Variants in COL25A1 observed in about 807,000 individuals in gnomAD.
COL25A1 encodes collagen alpha-1(XXV) chain.
COL25A1 carries 103 observed loss-of-function variants against 128.4 expected under a neutral mutation model. That is an observed-to-expected ratio of 0.80 (90% CI 0.68 to 0.94). The LOEUF (loss-of-function observed/expected upper bound fraction) is 0.94. COL25A1 is among the 40% of genes least tolerant of loss of function. The pLI, the probability that COL25A1 is intolerant of heterozygous loss-of-function variation, is 0.00. For missense variants in COL25A1, 745 were observed against 840.0 expected, an observed-to-expected ratio of 0.89 and a Z score of 1.40; for synonymous variants, 279 against 277.2, an observed-to-expected ratio of 1.01 and a Z score of -0.06.
Position 108,841,740 on chromosome 4 carries a change from G to A in COL25A1, c.1630-19C>T. ...GAGGTCCCTGAAAATGGAAAACAGA[G>A]CTTTTAATTAAGAATTGATTCCCTG... On this transcript the variant is annotated intron_variant, in intron 30 of 37. Transcript: ENST00000399132. The A allele has an allele frequency of 1.9e-6, 3 of 1,599,424 alleles. No individual in the cohort carries two copies. Among genetic ancestry groups the A allele is most frequent in the Non-Finnish European group, 2.6e-6 (3 of 1,166,968 alleles).
Position 109,014,502 on chromosome 4 carries a change from C to T in COL25A1, c.421-4127G>A, listed in dbSNP as rs547276319. 2.3e-4 allele frequency among the ~76,000 whole-genome samples: 35 copies of T among 152,284 alleles called. No individual in the cohort carries two copies. In the South Asian group the frequency reaches 7.3e-3, roughly 32 times the overall value. On this transcript the variant is annotated intron_variant, in intron 5 of 37. Coordinates refer to ENST00000399132, the MANE Select transcript of COL25A1 (RefSeq NM_198721.4). ...TCTACAAGTGACAGACTTTTCCTGT[C>T]CATCTTTAATACGTCGCATTCCTGC...
chr4:108,975,725 C>T (rs776474302), intron 6 of COL25A1, among the ~76,000 whole-genome samples: 4 of 152,100 alleles, frequency 2.6e-5, no homozygotes, highest in Admixed American at 6.5e-5. Flanking sequence ...AGTAATTTCA[C>T]ATCATGTTTT....
chr4:109,024,425 A>G (rs1758057613), intron 5 of COL25A1, among the ~76,000 whole-genome samples: 1 of 152,046 alleles, frequency 6.6e-6, no homozygotes, highest in East Asian at 1.9e-4. Flanking sequence ...TTTCTAGGAC[A>G]TAATTTTTGT....
At chr4:108,830,604 A>G (rs1410542289) in intron 32 of COL25A1, among the ~76,000 whole-genome samples, 2 of 152,244 alleles carry the variant, frequency 1.3e-5, no homozygotes, top group African/African-American at 2.4e-5. Flanking sequence ...CATGCTGAGT[A>G]AATACAAGAG....
chr4:109,137,847 A>G (rs1307011712), intron 3 of COL25A1, among the ~76,000 whole-genome samples: 2 of 152,194 alleles, frequency 1.3e-5, no homozygotes, highest in African/African-American at 4.8e-5. Flanking sequence ...CAATGAGTAA[A>G]GTATCCTACA....
At chr4:108,910,236 G>A (rs1018871743) in intron 13 of COL25A1, among the ~76,000 whole-genome samples, 2 of 152,148 alleles carry the variant, frequency 1.3e-5, no homozygotes, top group African/African-American at 4.8e-5. Context: ...CTCTTGGAAA[G>A]AGAATGTGTT....
chr4:109,084,015 G>A (rs7673981), intron 3 of COL25A1, among the ~76,000 whole-genome samples: 35,131 of 151,948 alleles, frequency 0.23, 5,234 homozygotes, highest in African/African-American at 0.4. Context: ...TTAAGAAAAA[G>A]GAATAATCCA....
rs917592183 is a variant in COL25A1, at chr4:109,228,249, A to G, written c.367+72334T>C. ...GACACACCTAAAATAATGCTCTACC[A>G]GGTTTCTAGGTACTCCTTAATTCAG... On this transcript the variant is annotated intron_variant, in intron 3 of 37. Transcript: ENST00000399132. Among the ~76,000 whole-genome samples the G allele has an allele frequency of 5.3e-5, 8 of 152,258 alleles. No homozygotes were observed. In the South Asian group the frequency reaches 1.5e-3, roughly 28 times the overall value.
chr4:109,233,740 GCAT>G (rs1318028232), intron 3 of COL25A1, among the ~76,000 whole-genome samples: 2 of 152,086 alleles, frequency 1.3e-5, no homozygotes, highest in Non-Finnish European at 2.9e-5. Context: ...ACTATATAGT[GCAT>G]GAAGCCCCAT....
rs150272571 is a variant in COL25A1, at chr4:109,162,316, AGTT to A, written c.368-112140_368-112138del. 2.3e-3 allele frequency among the ~76,000 whole-genome samples: 347 copies of A among 152,318 alleles called. 4 individuals are homozygous for A. The highest frequency in any genetic ancestry group is 3.9e-3 in the Non-Finnish European group (267 of 68,028). On this transcript the variant is annotated intron_variant, in intron 3 of 37. Transcript: ENST00000399132. ...AAATCAAAGTCAGAGAACTGCAAGT[AGTT>A]GTAAGTGACTGGAGCAGGCAGATCA...
rs143761082 is a variant in COL25A1 at position 109,154,979 on chromosome 4, C to T, written c.368-104800G>A. Among the ~76,000 whole-genome samples, 391 of 152,272 alleles carry T rather than the reference C, an allele frequency of 2.6e-3. 2 individuals carry two copies. The highest frequency in any genetic ancestry group is 0.014 in the Middle Eastern group (4 of 294). ...ATATTACACCCTCCCTAGCTTCCCTCCTTCCCATTTTCCCCTCCCATATAT... is the reference window on the plus strand; with the variant it reads ...ATATTACACCCTCCCTAGCTTCCCTTCTTCCCATTTTCCCCTCCCATATAT... On this transcript the variant is annotated intron_variant, in intron 3 of 37. Transcript: ENST00000399132.
At chr4:109,220,443 G>C (rs1207698308) in intron 3 of COL25A1, among the ~76,000 whole-genome samples, 1 of 152,050 alleles carries the variant, frequency 6.6e-6, no homozygotes, top group Non-Finnish European at 1.5e-5. Context: ...CTATCCAAAA[G>C]GTTTTACACC....
chr4:109,226,242 G>T (rs930829899), intron 3 of COL25A1, among the ~76,000 whole-genome samples: 1 of 152,010 alleles, frequency 6.6e-6, no homozygotes, highest in Non-Finnish European at 1.5e-5. Flanking sequence ...GAGGTAGGAG[G>T]GGGGTGAGAC....
intron 5 of COL25A1, among the ~76,000 whole-genome samples, chr4:109,014,136 G>C (rs983327540): frequency 6.6e-6 from 1 of 152,032 alleles, no homozygotes; most frequent in Non-Finnish European, 1.5e-5. Context: ...GTGAAACCCC[G>C]TCTCTACTAA....
At chr4:108,896,596 C>T in intron 16 of COL25A1, 71 bp downstream of exon 16, 10 of 1,304,906 alleles carry the variant, frequency 7.7e-6, no homozygotes, top group East Asian at 2.3e-5. Context: ...TCTAAAAATC[C>T]CCCATCTTCA....
At chr4:108,859,122 CTA>C (rs1015358950) in intron 24 of COL25A1, among the ~76,000 whole-genome samples, 10 of 152,160 alleles carry the variant, frequency 6.6e-5, no homozygotes, top group African/African-American at 1.9e-4. Flanking sequence ...AGAGGGCTTA[CTA>C]TGTACCAGGA....
intron 14 of COL25A1, among the ~76,000 whole-genome samples, chr4:108,899,533 A>T (rs1204242354): frequency 6.6e-6 from 1 of 152,066 alleles, no homozygotes; most frequent in Non-Finnish European, 1.5e-5. Flanking sequence ...TTCTGCTTAA[A>T]CTCAGAGTTA....
chr4:109,259,219 T>C (rs933130687), intron 3 of COL25A1, among the ~76,000 whole-genome samples: 1 of 152,108 alleles, frequency 6.6e-6, no homozygotes. Flanking sequence ...GTAGTTTCAA[T>C]AGAGCGGTTG....
At chr4:109,280,472 T>C (rs1444274231) in intron 3 of COL25A1, among the ~76,000 whole-genome samples, 2 of 152,072 alleles carry the variant, frequency 1.3e-5, no homozygotes, top group Admixed American at 6.6e-5. Context: ...ACAAATACAA[T>C]GCACAAACTT....
Sources: gnomAD v4.1 joint callset for allele counts (sites outside exome capture counted in the v4.1 genomes callset) on GRCh38, gnomAD v4.1.1 for gene constraint, MANE v1.5 for transcripts, NCBI Gene and HGNC (gene_info 2026-07-23, HGNC 2026-07-21) for gene names.